The following DZIP1 variants were observed in gnomAD, a reference collection of about 807,000 sequenced individuals.
DZIP1 encodes cilium assembly protein DZIP1.
Under a neutral mutation model 107.6 loss-of-function variants are expected in DZIP1, and 97 were observed. That is an observed-to-expected ratio of 0.90 (90% CI 0.77 to 1.07). The LOEUF is 1.07. DZIP1 is among the 50% of genes least tolerant of loss of function. The probability of loss-of-function intolerance (pLI) is 0.00; values close to 1 mark genes in which losing one functional copy is unlikely to be tolerated. For missense variants in DZIP1, 1,035 were observed against 1,063.6 expected (o/e 0.97, Z 0.37); for synonymous variants, 390 against 386.4 (o/e 1.01, Z -0.11).
rs140139723 is a variant in DZIP1, at chr13:95,617,893, G to T, written c.1173+1992C>A. ...CTGGTTCCATAGAGTGGGCCCTGCA[G>T]ACAGCCTGGACTCGGGGATTGAGAG... On this transcript the variant is annotated intron_variant, in intron 10 of 22. Coordinates refer to ENST00000376829, the MANE Select transcript of DZIP1 (RefSeq NM_198968.4). 7.5e-3 allele frequency: 3,911 copies of T among 518,846 alleles called. 44 individuals are homozygous for T. The highest frequency in any genetic ancestry group is 0.039 in the Middle Eastern group (121 of 3,142). 32.1% of individuals were successfully genotyped at this position (518,846 alleles called of 1,614,324 possible). A position where few individuals can be genotyped will look rare whatever the true frequency, so the allele number is the denominator to read the frequency against.
chr13:95,624,417 G>C (rs1876289171), intron 8 of DZIP1, among the ~76,000 whole-genome samples: 1 of 152,180 alleles, frequency 6.6e-6, no homozygotes, highest in Non-Finnish European at 1.5e-5. Flanking sequence ...GCCTTTCTGG[G>C]TCTGCTTCTT....
intron 14 of DZIP1, 98 bp downstream of exon 14, chr13:95,605,905 A>G (rs1218623962): frequency 3.2e-6 from 4 of 1,230,932 alleles, no homozygotes; most frequent in Non-Finnish European, 4.7e-6. Flanking sequence ...TTCCTGTTTT[A>G]TTATTAATTA....
intron 7 of DZIP1, among the ~76,000 whole-genome samples, chr13:95,627,349 C>T (rs1451834336): frequency 1.3e-5 from 2 of 152,082 alleles, no homozygotes; most frequent in African/African-American, 4.8e-5. Flanking sequence ...AATCTACATG[C>T]AAAAATTAAC....
intron 10 of DZIP1, among the ~76,000 whole-genome samples, 173 bp from the exon 11 acceptor site, chr13:95,612,350 G>A (rs1356149978): frequency 5.9e-5 from 9 of 152,178 alleles, no homozygotes; most frequent in Non-Finnish European, 1.3e-4. Flanking sequence ...GCTGCTCTAG[G>A]TGCTTCATCT....
chr13:95,632,993 C>G (rs571208657), intron 6 of DZIP1, among the ~76,000 whole-genome samples: 1 of 152,276 alleles, frequency 6.6e-6, no homozygotes, highest in East Asian at 1.9e-4. Flanking sequence ...TGTGTCTCCT[C>G]AACCCCCTTT....
intron 5 of DZIP1, among the ~76,000 whole-genome samples, chr13:95,634,957 T>A (rs1314690387): frequency 6.6e-6 from 1 of 152,194 alleles, no homozygotes; most frequent in East Asian, 1.9e-4. Context: ...GATGGTTATG[T>A]CTCTTAACAC....
intron 7 of DZIP1, 98 bp from the exon 8 acceptor site, chr13:95,625,027 C>G: frequency 1.9e-6 from 2 of 1,056,796 alleles, no homozygotes; most frequent in South Asian, 3.3e-5. Flanking sequence ...AAAATGTTAG[C>G]TAGTATTGCT....
Position 95,641,648 on chromosome 13 carries a change from C to T in DZIP1, c.244G>A (p.Gly82Arg), listed in dbSNP as rs1444642534. Residue 82 changes from glycine (G) to arginine (R), a missense_variant, in exon 5 of 23, where the codon GGG becomes AGG. Physicochemically the swap from Gly to Arg is moderately radical, Grantham distance 125 (BLOSUM62 -2). Coordinates refer to ENST00000376829, the MANE Select transcript of DZIP1 (RefSeq NM_198968.4). The surrounding 1 kb of genome is among the most constrained non-coding windows in gnomAD (Gnocchi z 4.3). The part of the protein sequence containing the change: ...LSAIDVDKVA[G>R]AVDVLTLQEN... The stretch of plus-strand genomic sequence containing the variant: ...TGCAGCGTCAGCACGTCCACAGCCC[C>T]CGCCACCTTGTCCACGTCGATGGCG... 1 of 1,609,628 alleles carries T rather than the reference C, an allele frequency of 6.2e-7. No individual in the cohort carries two copies. The highest frequency in any genetic ancestry group is 8.5e-7 in the Non-Finnish European group (1 of 1,180,012).
Position 95,629,869 on chromosome 13 carries a change from A to G in DZIP1, c.810+120T>C. The G allele has an allele frequency of 4.9e-6, 5 of 1,016,550 alleles. No homozygotes were observed. The South Asian group carries it at 9.8e-5, about 20-fold the overall frequency. The allele number at this position is 1,016,550 out of a possible 1,614,324, so 63.0% of individuals were successfully genotyped here. ...CTAAAGAGTAGATTGGCAATAAAAAATGCAATCATCTTGTCAAATTCACAA... is the reference window on the plus strand; with the variant it reads ...CTAAAGAGTAGATTGGCAATAAAAAGTGCAATCATCTTGTCAAATTCACAA... On this transcript the variant is annotated intron_variant, in intron 7 of 22. Transcript: ENST00000376829.
At chr13:95,623,466 A>C (rs1876151030) in intron 8 of DZIP1, among the ~76,000 whole-genome samples, 1 of 152,216 alleles carries the variant, frequency 6.6e-6, no homozygotes, top group South Asian at 2.1e-4. Flanking sequence ...CAGATTCGTA[A>C]CACAAAGTCT....
In DZIP1 at chr13:95,642,169, A is replaced by G; in HGVS notation, c.-140T>C. ...AGGTCTGGGCGTCCAGGACGTTGCT[A>G]TAGCAGCGCCCAGGTCCGGACCTGG... On this transcript the variant is annotated 5_prime_UTR_variant, in exon 4 of 23. Coordinates refer to ENST00000376829, the MANE Select transcript of DZIP1 (RefSeq NM_198968.4). The G allele has an allele frequency of 8.5e-7, 1 of 1,172,376 alleles. No individual in the cohort carries two copies. The highest frequency in any genetic ancestry group is 1.1e-6 in the Non-Finnish European group (1 of 877,240). The allele number at this position is 1,172,376 out of a possible 1,614,324, so 72.6% of individuals were successfully genotyped here. A position where few individuals can be genotyped will look rare whatever the true frequency, so the allele number is the denominator to read the frequency against.
intron 14 of DZIP1, among the ~76,000 whole-genome samples, chr13:95,603,467 G>T (rs1000897410): frequency 2.0e-5 from 3 of 152,112 alleles, no homozygotes. Context: ...GGTGCCCACA[G>T]ACTTTGGGAA....
chr13:95,621,575 TA>T (rs1875849988), intron 9 of DZIP1, among the ~76,000 whole-genome samples: 1 of 151,910 alleles, frequency 6.6e-6, no homozygotes, highest in Non-Finnish European at 1.5e-5. Flanking sequence ...CTTCCTAGTT[TA>T]AAAAAATTGT....
chr13:95,586,132 G>A lies in DZIP1; in HGVS notation c.2223C>T (p.Val741=), dbSNP rs1213729193. 1.0e-5 allele frequency: 16 copies of A among 1,606,596 alleles called. No individual in the cohort carries two copies. The highest frequency in any genetic ancestry group is 4.5e-5 in the East Asian group (2 of 44,570). ...DTDDSPKPAG[V]AVKTPTEKVE... ...CTTTTTCAGTAGGTGTTTTAACGGCGACTCCTATAAGATCAATAAAAATTA... is the reference window on the plus strand; with the variant it reads ...CTTTTTCAGTAGGTGTTTTAACGGCAACTCCTATAAGATCAATAAAAATTA... The change falls in exon 21 of 23, where the codon GTC becomes GTT. Residue 741 remains valine (V), a synonymous_variant. Coordinates refer to ENST00000376829, the MANE Select transcript of DZIP1 (RefSeq NM_198968.4).
intron 10 of DZIP1, among the ~76,000 whole-genome samples, chr13:95,615,240 A>G (rs934350111): frequency 6.6e-6 from 1 of 152,162 alleles, no homozygotes; most frequent in Non-Finnish European, 1.5e-5. Flanking sequence ...TAAAAACTGT[A>G]ACTCGCTTTC....
chr13:95,593,075 C>A (rs2044355330), intron 16 of DZIP1, among the ~76,000 whole-genome samples: 1 of 152,144 alleles, frequency 6.6e-6, no homozygotes, highest in African/African-American at 2.4e-5. Context: ...CATACAAATC[C>A]ATCTATATAG....
chr13:95,594,175 T>C, intron 15 of DZIP1, 89 bp from the exon 16 acceptor site: 3 of 1,055,826 alleles, frequency 2.8e-6, no homozygotes, highest in Non-Finnish European at 2.7e-6. Context: ...CCACAGCTTT[T>C]AAGCAGCAAG....
intron 10 of DZIP1, among the ~76,000 whole-genome samples, chr13:95,614,897 C>T (rs1259071524): frequency 6.6e-6 from 1 of 152,084 alleles, no homozygotes; most frequent in African/African-American, 2.4e-5. Flanking sequence ...TGCAACTTTC[C>T]CTAAACAGAG....
At chr13:95,625,250 A>C (rs946219051) in intron 7 of DZIP1, among the ~76,000 whole-genome samples, 2 of 152,238 alleles carry the variant, frequency 1.3e-5, no homozygotes, top group African/African-American at 2.4e-5. Flanking sequence ...TAAAGAAAAC[A>C]TATATTGAGC....
Sources: gnomAD v4.1 joint callset for allele counts (sites outside exome capture counted in the v4.1 genomes callset) on GRCh38, gnomAD v4.1.1 for gene constraint, Gnocchi (gnomAD v3.1) non-coding constraint, MANE v1.5 for transcripts, NCBI Gene and HGNC (gene_info 2026-07-23, HGNC 2026-07-21) for gene names.